CERS5: variants seen among roughly 807,000 people sequenced by gnomAD.
CERS5 encodes LAG1 homolog, ceramide synthase 5.
A neutral mutation model predicts 58.9 loss-of-function variants in CERS5; 37 were observed. The ratio of observed to expected loss-of-function variants is 0.63; its 90% CI spans 0.48 to 0.83. CERS5 has a LOEUF of 0.83. CERS5 is among the 40% of genes least tolerant of loss of function. The pLI, the probability that CERS5 is intolerant of heterozygous loss-of-function variation, is 0.00. For missense variants in CERS5, 398 were observed against 489.3 expected, an observed-to-expected ratio of 0.81 and a Z score of 1.76; for synonymous variants, 147 against 177.8, an observed-to-expected ratio of 0.83 and a Z score of 1.38.
intron 1 of CERS5, chr12:50,165,739 C>T: frequency 4.3e-6 from 1 of 234,176 alleles, no homozygotes; most frequent in South Asian, 4.1e-5. Context: ...TATTCCCATC[C>T]TAGAAAGGGC....
At chr12:50,131,046 G>A (rs558379137) in intron 9 of CERS5, among the ~76,000 whole-genome samples, 53 of 152,246 alleles carry the variant, frequency 3.5e-4, no homozygotes, top group Non-Finnish European at 5.1e-4. Context: ...AGGCCAACAC[G>A]AACAATACGT....
At chr12:50,161,802 C>CAAAAAAAAAAAAAAAAAAAAAAAAAAAA (rs1555199664) in intron 1 of CERS5, among the ~76,000 whole-genome samples, 1 of 92,976 alleles carries the variant, frequency 1.1e-5, no homozygotes, top group African/African-American at 4.5e-5. Flanking sequence ...AAAAAAAAAG[C>CAAAAAAAAAAAAAAAAAAAAAAAAAAAA]AAAGTTCAAG....
At chr12:50,147,062 T>C (rs1385434721) in intron 1 of CERS5, among the ~76,000 whole-genome samples, 2 of 152,118 alleles carry the variant, frequency 1.3e-5, no homozygotes, top group East Asian at 3.9e-4. Flanking sequence ...TTTGAGAAAG[T>C]ATTAATTCTA....
chr12:50,133,388 T>C (rs1401249529), intron 9 of CERS5: 1 of 1,054,424 alleles, frequency 9.5e-7, no homozygotes, highest in Admixed American at 4.6e-5. Context: ...ATAAGATGGG[T>C]ATTTGAAACA....
rs773368671 is a variant in CERS5, at chr12:50,148,927, A to AATATATATATATAT, written c.198-4884_198-4871dup. The stretch of plus-strand genomic sequence containing the variant: ...CTCAAAAAAAAAAAAAAAAAAAAAA[A>AATATATATATATAT]ATATATATATATATATATATGTGTG... On this transcript the variant is annotated intron_variant, in intron 1 of 9. Transcript: ENST00000317551. 2.2e-3 allele frequency among the ~76,000 whole-genome samples: 107 copies of AATATATATATATAT among 47,980 alleles called. 1 individual carries two copies. Among genetic ancestry groups the AATATATATATATAT allele is most frequent in the Middle Eastern group, 0.017 (1 of 58 alleles). The allele number at this position is 47,980 out of a possible 152,430, so 31.5% of individuals were successfully genotyped here. A position where few individuals can be genotyped will look rare whatever the true frequency, so the allele number is the denominator to read the frequency against.
intron 9 of CERS5, among the ~76,000 whole-genome samples, chr12:50,132,056 G>A (rs1376271354): frequency 6.6e-6 from 1 of 151,760 alleles, no homozygotes; most frequent in African/African-American, 2.4e-5. Flanking sequence ...AGTGAGCCAT[G>A]ATTGCGCCAC....
At chr12:50,148,904 CAAAAAAAAAAAA>C (rs71083511) in intron 1 of CERS5, among the ~76,000 whole-genome samples, 6 of 72,088 alleles carry the variant, frequency 8.3e-5, no homozygotes, top group South Asian at 5.6e-4. Context: ...GACTCCATCT[CAAAAAAAAAAAA>C]AAAAAAAAAA....
intron 9 of CERS5, chr12:50,133,965 G>A (rs1474183994): frequency 6.2e-6 from 1 of 160,418 alleles, no homozygotes; most frequent in African/African-American, 2.4e-5. Flanking sequence ...CCAGCTACTA[G>A]GGAGGCTGAG....
chr12:50,140,857 C>A (rs1307083303), intron 4 of CERS5, among the ~76,000 whole-genome samples: 1 of 115,458 alleles, frequency 8.7e-6, no homozygotes, highest in Non-Finnish European at 1.7e-5. Flanking sequence ...TTTTTTTTTG[C>A]CTAGGGTTTA....
chr12:50,146,939 G>C (rs1952314223), intron 1 of CERS5, among the ~76,000 whole-genome samples: 1 of 151,530 alleles, frequency 6.6e-6, no homozygotes, highest in Non-Finnish European at 1.5e-5. Context: ...TTCCAGATGT[G>C]ATTGGAAAAT....
At chr12:50,162,184 C>CTT (rs75460499) in intron 1 of CERS5, among the ~76,000 whole-genome samples, 33,578 of 127,542 alleles carry the variant, frequency 0.26, 5,239 homozygotes, top group Non-Finnish European at 0.36. Context: ...CTGATTTGTT[C>CTT]TTTTTTTTTT....
intron 1 of CERS5, chr12:50,144,724 C>T: frequency 1.7e-6 from 2 of 1,151,542 alleles, no homozygotes; most frequent in Non-Finnish European, 1.2e-6. Context: ...CTATCGTAGT[C>T]TCAGATCTAC....
At position 50,167,294 on chromosome 12, in the gene CERS5, C is replaced by T. The variant is rs755799853; in HGVS notation, c.4G>A (p.Ala2Thr). 2 of 1,509,652 alleles carry T rather than the reference C, an allele frequency of 1.3e-6. No homozygotes were observed. Among genetic ancestry groups the T allele is most frequent in the Non-Finnish European group, 1.8e-6 (2 of 1,136,260 alleles). 93.5% of individuals were successfully genotyped at this position (1,509,652 alleles called of 1,614,324 possible). Residue 2 changes from alanine (A) to threonine (T), a missense_variant, in exon 1 of 10, where the codon GCG (alanine) becomes ACG (threonine). This residue lies in a region of CERS5 where 328 missense variants were observed against 384.5 expected (regional missense o/e 0.85). Transcript: ENST00000317551. M[A>T]TAAQGPLSLL... ...CTTAGGGGTCCCTGCGCTGCTGTCG[C>T]CATCTTACGCCCACCCCGAAGCCAC... is the stretch of plus-strand genomic sequence containing the variant.
At chr12:50,142,632 T>C (rs578096671) in intron 3 of CERS5, among the ~76,000 whole-genome samples, 30 of 152,082 alleles carry the variant, frequency 2.0e-4, no homozygotes, top group Non-Finnish European at 4.0e-4. Context: ...CTAGCATTTT[T>C]CTTTACATGA....
chr12:50,138,505 C>T (rs951175923), intron 5 of CERS5, 62 bp downstream of exon 5: 51 of 1,373,316 alleles, frequency 3.7e-5, no homozygotes, highest in Non-Finnish European at 4.9e-5. Flanking sequence ...TGGCAAAGGA[C>T]CCTCACTCAC....
chr12:50,144,112 T>C lies in CERS5; in HGVS notation c.198-55A>G, dbSNP rs542770911. The C allele has an allele frequency of 4.2e-6, 4 of 958,900 alleles. No individual in the cohort carries two copies. In the Admixed American group the frequency reaches 5.2e-5, roughly 12 times the overall value. 59.4% of individuals were successfully genotyped at this position (958,900 alleles called of 1,614,324 possible). On this transcript the variant is annotated intron_variant, in intron 1 of 9. Coordinates refer to ENST00000317551, the MANE Select transcript of CERS5 (RefSeq NM_147190.5). ...CTTTTTAAAAAAATTTTATTTATAG[T>C]TGACACATAATAATTGTACATATTT...
At chr12:50,143,497 G>A (rs942682452) in intron 2 of CERS5, 1 of 310,198 alleles carries the variant, frequency 3.2e-6, no homozygotes, top group African/African-American at 2.2e-5. Context: ...TGTAATCCTG[G>A]GATTTTTGAA....
intron 6 of CERS5, among the ~76,000 whole-genome samples, chr12:50,136,957 T>C (rs1951727493): frequency 6.6e-6 from 1 of 152,232 alleles, no homozygotes; most frequent in Non-Finnish European, 1.5e-5. Context: ...CTGTGTCTTC[T>C]GACCATAGGA....
At chr12:50,153,879 G>C (rs1253598125) in intron 1 of CERS5, 1 of 421,978 alleles carries the variant, frequency 2.4e-6, no homozygotes, top group South Asian at 1.7e-5. Flanking sequence ...ATTTGAACCT[G>C]GGAGGCAGAG....
Sources: gnomAD v4.1 joint callset for allele counts (sites outside exome capture counted in the v4.1 genomes callset) on GRCh38, gnomAD v4.1.1 for gene constraint, gnomAD v4.1.1 regional missense constraint, MANE v1.5 for transcripts, NCBI Gene and HGNC (gene_info 2026-07-23, HGNC 2026-07-21) for gene names.